Variants in PALM2AKAP2 observed in about 807,000 individuals in gnomAD.
The protein encoded by PALM2AKAP2 is PALM2-AKAP2 fusion protein.
A neutral mutation model predicts 71.5 loss-of-function variants in PALM2AKAP2; 37 were observed. The ratio of observed to expected loss-of-function variants is 0.52; its 90% CI spans 0.40 to 0.68. The LOEUF is 0.68. Ranked by LOEUF, PALM2AKAP2 falls within the 30% of genes least tolerant of loss-of-function variation. PALM2AKAP2 has a pLI of 0.00. For synonymous variants in PALM2AKAP2, 468 were observed against 478.8 expected (o/e 0.98, Z 0.29); for missense variants, 1,224 against 1,191.8 (o/e 1.03, Z -0.40).
chr9:110,087,025 A>G lies in PALM2AKAP2; in HGVS notation c.156+38170A>G, dbSNP rs1651457390. Among the ~76,000 whole-genome samples the G allele has an allele frequency of 2.6e-5, 4 of 152,138 alleles. No individual in the cohort carries two copies. In the South Asian group the frequency reaches 8.3e-4, roughly 32 times the overall value. ...GTAATTGCAATTCTCTGTAAACACTACGCCATTCCATACCTCAGGTGACTT... is the reference window on the plus strand; with the variant it reads ...GTAATTGCAATTCTCTGTAAACACTGCGCCATTCCATACCTCAGGTGACTT... On this transcript the variant is annotated intron_variant, in intron 1 of 3. Transcript: ENST00000374525.
chr9:109,904,418 A>G (rs924721227), intron 3 of PALM2AKAP2, among the ~76,000 whole-genome samples: 3 of 152,366 alleles, frequency 2.0e-5, no homozygotes, highest in East Asian at 3.9e-4. Context: ...TCATGGGAAT[A>G]TAATTTTCTT....
intron 6 of PALM2AKAP2, chr9:109,942,949 A>T (rs1831411394): frequency 1.2e-6 from 2 of 1,614,206 alleles, no homozygotes; most frequent in Non-Finnish European, 1.7e-6. Flanking sequence ...GTCTGAAAGG[A>T]CTGTGATTGC....
chr9:109,980,453 C>G (rs1210751863), intron 6 of PALM2AKAP2, among the ~76,000 whole-genome samples: 1 of 152,220 alleles, frequency 6.6e-6, no homozygotes, highest in African/African-American at 2.4e-5. Context: ...TCTGCATGCT[C>G]CTTTTGGAAA....
intron 1 of PALM2AKAP2, among the ~76,000 whole-genome samples, chr9:109,644,091 C>A (rs920370423): frequency 2.6e-5 from 4 of 152,142 alleles, no homozygotes; most frequent in Non-Finnish European, 4.4e-5. Context: ...AGGATTCACC[C>A]CCAGGACCAA....
intron 3 of PALM2AKAP2, among the ~76,000 whole-genome samples, chr9:110,161,015 G>T (rs939188232): frequency 1.3e-5 from 2 of 152,050 alleles, no homozygotes; most frequent in Non-Finnish European, 2.9e-5. Flanking sequence ...CCATACTCTC[G>T]CTCAGTGTGT....
intron 3 of PALM2AKAP2, among the ~76,000 whole-genome samples, chr9:109,898,710 A>G (rs1314879512): frequency 6.6e-6 from 1 of 151,516 alleles, no homozygotes; most frequent in Non-Finnish European, 1.5e-5. Flanking sequence ...CCCATCCCAA[A>G]CTCCACTGAC....
At chr9:109,678,915 G>A (rs1827686896) in intron 1 of PALM2AKAP2, among the ~76,000 whole-genome samples, 2 of 152,150 alleles carry the variant, frequency 1.3e-5, no homozygotes, top group Admixed American at 6.6e-5. Context: ...AACGTGCAAA[G>A]GCTTTCATAT....
At chr9:109,978,077 GA>G (rs1204863566) in intron 6 of PALM2AKAP2, among the ~76,000 whole-genome samples, 1 of 152,180 alleles carries the variant, frequency 6.6e-6, no homozygotes, top group East Asian at 1.9e-4. Flanking sequence ...AAGAGAGGAA[GA>G]GATATTTGGT....
intron 3 of PALM2AKAP2, among the ~76,000 whole-genome samples, chr9:109,911,312 A>G (rs987280884): frequency 1.3e-5 from 2 of 152,218 alleles, no homozygotes; most frequent in African/African-American, 4.8e-5. Flanking sequence ...ACAACAAAGA[A>G]ATCAGTGCTC....
intron 1 of PALM2AKAP2, among the ~76,000 whole-genome samples, chr9:110,090,899 C>T (rs775272376): frequency 3.3e-5 from 5 of 151,926 alleles, no homozygotes; most frequent in South Asian, 2.1e-4. Flanking sequence ...AAACTAGGCA[C>T]GTAGCTGTTA....
At chr9:109,770,482 C>G (rs1455241290) in intron 1 of PALM2AKAP2, among the ~76,000 whole-genome samples, 2 of 152,232 alleles carry the variant, frequency 1.3e-5, no homozygotes, top group African/African-American at 4.8e-5. Flanking sequence ...AAAAACCACA[C>G]AGTAGAACAC....
At chr9:110,005,681 A>G (rs1832765241) in intron 6 of PALM2AKAP2, among the ~76,000 whole-genome samples, 1 of 152,108 alleles carries the variant, frequency 6.6e-6, no homozygotes, top group Admixed American at 6.5e-5. Context: ...CACCCAGTTC[A>G]AGCTTCCTGG....
chr9:109,844,864 C>G (rs1053916066), intron 1 of PALM2AKAP2, among the ~76,000 whole-genome samples: 1 of 152,060 alleles, frequency 6.6e-6, no homozygotes, highest in African/African-American at 2.4e-5. Context: ...TCATACCTCA[C>G]CTGTGCTGTA....
chr9:110,084,503 T>TG (rs964108695), intron 1 of PALM2AKAP2, among the ~76,000 whole-genome samples: 2 of 152,114 alleles, frequency 1.3e-5, no homozygotes, highest in South Asian at 2.1e-4. Flanking sequence ...TTGGTAACTA[T>TG]GGGGGGGTTG....
chr9:110,029,161 C>T (rs912999795), intron 7 of PALM2AKAP2, among the ~76,000 whole-genome samples: 1 of 152,144 alleles, frequency 6.6e-6, no homozygotes, highest in Non-Finnish European at 1.5e-5. Context: ...ATGAGAAACA[C>T]TACCCTCTAT....
At chr9:109,657,340 C>A in intron 1 of PALM2AKAP2, among the ~76,000 whole-genome samples, 1 of 152,216 alleles carries the variant, frequency 6.6e-6, no homozygotes, top group South Asian at 2.1e-4. Context: ...AATGTTCACA[C>A]TTTTCAAACC....
chr9:110,133,913 CA>C (rs1335871305), intron 1 of PALM2AKAP2, among the ~76,000 whole-genome samples: 1 of 152,142 alleles, frequency 6.6e-6, no homozygotes, highest in Non-Finnish European at 1.5e-5. Flanking sequence ...TTTCAGCATT[CA>C]AATTTTGTGT....
chr9:109,914,407 A>G (rs370691314), intron 3 of PALM2AKAP2, among the ~76,000 whole-genome samples: 254 of 152,384 alleles, frequency 1.7e-3, no homozygotes, highest in African/African-American at 5.9e-3. Context: ...CTGTGTGGCC[A>G]TATGCCCAGC....
intron 1 of PALM2AKAP2, among the ~76,000 whole-genome samples, chr9:109,687,470 G>T (rs748409650): frequency 8.5e-5 from 13 of 152,156 alleles, no homozygotes; most frequent in Non-Finnish European, 1.8e-4. Flanking sequence ...TTTATGTTAT[G>T]CAGAGAGCTT....
Sources: gnomAD v4.1 joint callset for allele counts (sites outside exome capture counted in the v4.1 genomes callset) on GRCh38, gnomAD v4.1.1 for gene constraint, MANE v1.5 for transcripts, NCBI Gene and HGNC (gene_info 2026-07-23, HGNC 2026-07-21) for gene names.